ALG2: variants seen among roughly 807,000 people sequenced by gnomAD.
The protein encoded by ALG2 is ALG2 alpha-1,3/1,6-mannosyltransferase.
ALG2 carries 32 observed loss-of-function variants against 30.5 expected under a neutral mutation model. The observed-to-expected ratio is 1.05, with a 90% CI of 0.79 to 1.41. The LOEUF (loss-of-function observed/expected upper bound fraction) is 1.41. Ranked by LOEUF, ALG2 falls within the 40% of genes most tolerant of loss-of-function variation. The probability of loss-of-function intolerance (pLI) is 0.00; values close to 1 mark genes in which losing one functional copy is unlikely to be tolerated. For missense variants in ALG2, 574 were observed against 526.4 expected (o/e 1.09, Z -0.88); for synonymous variants, 253 against 224.8 (o/e 1.13, Z -1.12).
At chr9:99,220,963 G>C (rs753883148) in intron 1 of ALG2, 1 of 1,352,026 alleles carries the variant, frequency 7.4e-7, no homozygotes, top group Non-Finnish European at 9.8e-7. Flanking sequence ...GGCAGATCCA[G>C]GTGGACATTA....
Position 99,216,528 on chromosome 9 carries a change from C to G in ALG2, c.*1406G>C, listed in dbSNP as rs1226988604. On this transcript the variant is annotated 3_prime_UTR_variant, in exon 2 of 2. Coordinates refer to ENST00000476832, the MANE Select transcript of ALG2 (RefSeq NM_033087.4). ...ACAGAATCATTTTGCCAAAATACTC[C>G]TGTGATACAGATGCACATGATAAAC... 1 of 453,968 alleles carries G rather than the reference C, an allele frequency of 2.2e-6. No homozygotes were observed. Among genetic ancestry groups the G allele is most frequent in the Non-Finnish European group, 4.4e-6 (1 of 226,764 alleles). 28.1% of individuals were successfully genotyped at this position (453,968 alleles called of 1,614,324 possible).
intron 1 of ALG2, chr9:99,221,253 G>A (rs756130968): frequency 8.6e-5 from 96 of 1,121,966 alleles, no homozygotes; most frequent in Non-Finnish European, 1.1e-4. Context: ...GAGCCCCAAA[G>A]ACTATCTACC....
In ALG2 at chr9:99,221,898, C is replaced by T; in HGVS notation, c.-4G>A. Reference sequence around the variant, plus strand: ...CCCGGCCCTGCTCCTCCGCCATGGCCCTGGAGCCGCAACTGCACCCCGCAC... The same window carrying T: ...CCCGGCCCTGCTCCTCCGCCATGGCTCTGGAGCCGCAACTGCACCCCGCAC... On this transcript the variant is annotated 5_prime_UTR_variant, in exon 1 of 2. Coordinates refer to ENST00000476832, the MANE Select transcript of ALG2 (RefSeq NM_033087.4). 6.3e-7 allele frequency: 1 copy of T among 1,582,656 alleles called. No homozygotes were observed. Among genetic ancestry groups the T allele is most frequent in the South Asian group, 1.1e-5 (1 of 89,198 alleles).
rs772403006 is a variant in ALG2 at position 99,221,799 on chromosome 9, C to T, written c.96G>A (p.Leu32=). The change falls in exon 1 of 2, where the codon CTG becomes CTA. Residue 32 remains leucine (L), a synonymous_variant. Coordinates refer to ENST00000476832, the MANE Select transcript of ALG2 (RefSeq NM_033087.4). ...GCAGCGCCAGCGCCGCGTCCAACAC[C>T]AGCCGCTCAGCGCCGCCCACGCCCA... ...PDLGVGGAER[L]VLDAALALQA... is the part of the protein sequence containing the mutation. The T allele has an allele frequency of 9.4e-6, 15 of 1,598,106 alleles. No individual in the cohort carries two copies. In the Admixed American group the frequency reaches 2.3e-4, roughly 25 times the overall value.
In ALG2 at chr9:99,216,946, T is replaced by G; in HGVS notation, c.*988A>C. ...ATGTTGAAAACTACTGTTTATGATT[T>G]GCTGTTAGACCAACAGGTAAACAGT... On this transcript the variant is annotated 3_prime_UTR_variant, in exon 2 of 2. Transcript: ENST00000476832. 2.2e-6 allele frequency: 1 copy of G among 454,152 alleles called. No individual in the cohort carries two copies. Among genetic ancestry groups the G allele is most frequent in the Non-Finnish European group, 4.4e-6 (1 of 226,798 alleles). 28.1% of individuals were successfully genotyped at this position (454,152 alleles called of 1,614,324 possible).
In ALG2 at chr9:99,218,801, T is replaced by C. The variant is rs1216739971; in HGVS notation, c.384A>G (p.Arg128=). ...AGTAAAATAGGATCTTCTTCCGCCG[T>C]CTAGCCAGCCTGAACACTGGGATAC... The part of the protein sequence containing the change: ...SACIPVFRLA[R]RRKKILFYCH... The change falls in exon 2 of 2, where the codon AGA becomes AGG. Residue 128 remains arginine (R), a synonymous_variant. Transcript: ENST00000476832. 6.2e-7 allele frequency: 1 copy of C among 1,608,232 alleles called. No homozygotes were observed. Among genetic ancestry groups the C allele is most frequent in the South Asian group, 1.1e-5 (1 of 91,076 alleles).
chr9:99,221,684 C>A lies in ALG2; in HGVS notation c.211G>T (p.Ala71Ser). The change falls in exon 1 of 2, where the codon GCC becomes TCC. Residue 71 changes from alanine (A) to serine (S), a missense_variant. By Grantham distance (99) the Ala-to-Ser change is moderately conservative. Coordinates refer to ENST00000476832, the MANE Select transcript of ALG2 (RefSeq NM_033087.4). ...AGGCCTCGCGGCAGCCAGTCCCCGG[C>A]ACAGCGCACCGGTAGCTCGCGGCTC... is the stretch of plus-strand genomic sequence containing the variant. ...AESRELPVRC[A>S]GDWLPRGLGW... 6.4e-7 allele frequency: 1 copy of A among 1,570,756 alleles called. No homozygotes were observed. Among genetic ancestry groups the A allele is most frequent in the Non-Finnish European group, 8.6e-7 (1 of 1,163,992 alleles).
intron 1 of ALG2, among the ~76,000 whole-genome samples, chr9:99,219,381 G>T (rs1365336280): frequency 2.0e-5 from 3 of 152,172 alleles, no homozygotes; most frequent in Non-Finnish European, 4.4e-5. Flanking sequence ...CTGAATGAAT[G>T]AACTATAGTA....
rs1828724423 is a variant in ALG2, at chr9:99,218,035, C to T, written c.1150G>A (p.Ala384Thr). Residue 384 changes from alanine (A) to threonine (T), a missense_variant, in exon 2 of 2, where the codon GCC (alanine) becomes ACC (threonine). Physicochemically the swap from Ala to Thr is moderately conservative, Grantham distance 58. Transcript: ENST00000476832. Reference sequence around the variant, plus strand: ...GCTCTTCCAGCCAGGCCCATGGTGGCTTTTAAGGAAGGTTCACGGATGAAC... The same window carrying T: ...GCTCTTCCAGCCAGGCCCATGGTGGTTTTTAAGGAAGGTTCACGGATGAAC... Reference protein sequence around the residue: ...EKFIREPSLKATMGLAGRARV... With the variant: ...EKFIREPSLKTTMGLAGRARV... 1.2e-6 allele frequency: 2 copies of T among 1,614,194 alleles called. No homozygotes were observed. Among genetic ancestry groups the T allele is most frequent in the Admixed American group, 3.3e-5 (2 of 60,032 alleles).
chr9:99,221,163 C>G lies in ALG2; in HGVS notation c.348+384G>C, dbSNP rs776518484. 11 of 1,371,230 alleles carry G rather than the reference C, an allele frequency of 8.0e-6. No homozygotes were observed. In the East Asian group the frequency reaches 3.6e-4, roughly 44 times the overall value. The allele number at this position is 1,371,230 out of a possible 1,614,324, so 84.9% of individuals were successfully genotyped here. A position where few individuals can be genotyped will look rare whatever the true frequency, so the allele number is the denominator to read the frequency against. ...CTGAAAGGAGAGTCAACAAAAATAA[C>G]AGGTAAGCGGGAAGACAACACGCGA... On this transcript the variant is annotated intron_variant, in intron 1 of 1. Transcript: ENST00000476832.
chr9:99,221,173 G>A (rs1828793691), intron 1 of ALG2: 5 of 1,378,672 alleles, frequency 3.6e-6, no homozygotes, highest in African/African-American at 1.5e-5. Flanking sequence ...CAGGTAAGCG[G>A]GAAGACAACA....
At position 99,221,625 on chromosome 9, in the gene ALG2, G is replaced by C; in HGVS notation, c.270C>G (p.Ala90=). The change falls in exon 1 of 2, where the codon GCC becomes GCG. Residue 90 remains alanine, a synonymous_variant. Transcript: ENST00000476832. ...GWGGRGAAVC[A]YVRMVFLALY... ...GCGCCAGGAAAACCATGCGCACGTAGGCGCAGACGGCGGCGCCGCGGCCGC... is the reference window on the plus strand; with the variant it reads ...GCGCCAGGAAAACCATGCGCACGTACGCGCAGACGGCGGCGCCGCGGCCGC... 2 of 1,540,680 alleles carry C rather than the reference G, an allele frequency of 1.3e-6. No individual in the cohort carries two copies. Among genetic ancestry groups the C allele is most frequent in the Non-Finnish European group, 1.7e-6 (2 of 1,145,230 alleles).
chr9:99,220,906 T>C, intron 1 of ALG2: 2 of 1,298,404 alleles, frequency 1.5e-6, no homozygotes, highest in Non-Finnish European at 2.0e-6. Context: ...TCATCTTTTT[T>C]AGGATGGGGA....
rs77921350 is a variant in ALG2 at position 99,221,446 on chromosome 9, G to C, written c.348+101C>G. 16 of 1,334,860 alleles carry C rather than the reference G, an allele frequency of 1.2e-5. No individual in the cohort carries two copies. In the East Asian group the frequency reaches 3.0e-4, roughly 25 times the overall value. 82.7% of individuals were successfully genotyped at this position (1,334,860 alleles called of 1,614,324 possible). A position where few individuals can be genotyped will look rare whatever the true frequency, so the allele number is the denominator to read the frequency against. On this transcript the variant is annotated intron_variant, in intron 1 of 1. Transcript: ENST00000476832. The stretch of plus-strand genomic sequence containing the variant: ...CTTCTCCATGTCAGTTCCGATCTTT[G>C]CGAACCGCAGACAGGGAAGGTCTTC...
chr9:99,221,043 G>A (rs765084081), intron 1 of ALG2: 20 of 1,354,108 alleles, frequency 1.5e-5, no homozygotes, highest in Non-Finnish European at 2.0e-5. Context: ...TTTTAATAGG[G>A]GCATGATATA....
intron 1 of ALG2, chr9:99,221,185 G>A: frequency 7.3e-7 from 1 of 1,373,054 alleles, no homozygotes; most frequent in South Asian, 1.2e-5. Flanking sequence ...AAGACAACAC[G>A]CGAGTTACTC....
intron 1 of ALG2, 115 bp from the exon 2 acceptor site, chr9:99,218,951 T>G: frequency 9.0e-7 from 1 of 1,113,948 alleles, no homozygotes; most frequent in Middle Eastern, 2.7e-4. Context: ...GGGCAATGTC[T>G]GATTCTGTTT....
At chr9:99,219,015 G>A (rs1828748496) in intron 1 of ALG2, among the ~76,000 whole-genome samples, 179 bp from the exon 2 acceptor site, 1 of 152,168 alleles carries the variant, frequency 6.6e-6, no homozygotes, top group Non-Finnish European at 1.5e-5. Flanking sequence ...GAAGGCTACA[G>A]ACGTTTGCTA....
Position 99,218,111 on chromosome 9 carries a change from T to C in ALG2, c.1074A>G (p.Thr358=). 3.1e-6 allele frequency: 5 copies of C among 1,612,716 alleles called. No homozygotes were observed. Among genetic ancestry groups the C allele is most frequent in the Non-Finnish European group, 4.2e-6 (5 of 1,179,040 alleles). The change falls in exon 2 of 2, where the codon ACA becomes ACG. Residue 358 remains threonine (T), a synonymous_variant. Transcript: ENST00000476832. ...GPLESIDHSV[T]GFLCEPDPVH... Reference sequence around the variant, plus strand: ...CCGGGTCAGGCTCACACAGAAACCCTGTGACACTGTGGTCAATGGACTCCA... The same window carrying C: ...CCGGGTCAGGCTCACACAGAAACCCCGTGACACTGTGGTCAATGGACTCCA...
Sources: gnomAD v4.1 joint callset for allele counts (sites outside exome capture counted in the v4.1 genomes callset) on GRCh38, gnomAD v4.1.1 for gene constraint, MANE v1.5 for transcripts, NCBI Gene and HGNC (gene_info 2026-07-23, HGNC 2026-07-21) for gene names.